The following GOLGA1 variants were observed in gnomAD, a reference collection of about 807,000 sequenced individuals.
The protein encoded by GOLGA1 is golgin subfamily A member 1.
In GOLGA1, 63 loss-of-function variants were observed where a neutral mutation model predicts 119.7. That is an observed-to-expected ratio of 0.53 (90% CI 0.43 to 0.65). The LOEUF (loss-of-function observed/expected upper bound fraction) is 0.65, where lower values mean the gene tolerates loss of function less well. Among genes scored for constraint, GOLGA1 ranks in the 30% least tolerant of loss-of-function variants. The probability of loss-of-function intolerance (pLI) is 0.00; values close to 1 mark genes in which losing one functional copy is unlikely to be tolerated. For missense variants in GOLGA1, 798 were observed against 912.8 expected (o/e 0.87, Z 1.62); for synonymous variants, 318 against 333.4 (o/e 0.95, Z 0.50).
At position 124,921,186 on chromosome 9, in the gene GOLGA1, T is replaced by C. The variant is rs1298924956; in HGVS notation, c.786A>G (p.Glu262=). The change falls in exon 10 of 23, where the codon GAA becomes GAG. Residue 262 remains glutamate, a synonymous_variant. Transcript: ENST00000373555. The part of the protein sequence containing the change: ...TGAESKITAL[E]QKEQELQALI... ...GTGCTTGGAGCTCTTGTTCCTTTTG[T>C]TCCAGGGCTGTGATCTTACTTTCTG... 6.2e-7 allele frequency: 1 copy of C among 1,613,586 alleles called. No individual in the cohort carries two copies. Among genetic ancestry groups the C allele is most frequent in the Non-Finnish European group, 8.5e-7 (1 of 1,179,462 alleles).
chr9:124,918,836 A>G (rs1830505087), intron 10 of GOLGA1, among the ~76,000 whole-genome samples: 1 of 152,062 alleles, frequency 6.6e-6, no homozygotes, highest in African/African-American at 2.4e-5. Flanking sequence ...GTACTCTCTG[A>G]CCTTCTGCCT....
At chr9:124,924,221 T>G (rs946110407) in intron 7 of GOLGA1, among the ~76,000 whole-genome samples, 1 of 152,062 alleles carries the variant, frequency 6.6e-6, no homozygotes, top group Non-Finnish European at 1.5e-5. Context: ...ACCAGTAAGA[T>G]TGAATGCCTG....
chr9:124,941,505 C>T (rs1444337889), upstream of GOLGA1, among the ~76,000 whole-genome samples: 1 of 152,222 alleles, frequency 6.6e-6, no homozygotes, highest in South Asian at 2.1e-4. Flanking sequence ...TAGGCAGCTG[C>T]CTTGCCACCG....
intron 10 of GOLGA1, among the ~76,000 whole-genome samples, chr9:124,919,966 A>T (rs1564339501): frequency 1.3e-5 from 2 of 150,560 alleles, no homozygotes; most frequent in East Asian, 3.9e-4. Flanking sequence ...TTATTTTATT[A>T]TTTTTTTAAG....
upstream of GOLGA1, chr9:124,945,686 A>G (rs1435511666): frequency 6.6e-6 from 1 of 152,234 alleles, no homozygotes; most frequent in Admixed American, 6.5e-5. Flanking sequence ...AATTAAAGGC[A>G]TATCACCCTA....
At chr9:124,929,168 A>G (rs773746034) in intron 5 of GOLGA1, 48 bp downstream of exon 5, 1 of 1,158,546 alleles carries the variant, frequency 8.6e-7, no homozygotes, top group East Asian at 2.4e-5. Flanking sequence ...TTTCATTTCA[A>G]AAACTAAACC....
intron 6 of GOLGA1, 90 bp from the exon 7 acceptor site, chr9:124,926,831 C>A (rs1189053431): frequency 4.8e-6 from 3 of 621,424 alleles, no homozygotes; most frequent in South Asian, 2.7e-5. Context: ...CAACTCTTCC[C>A]AGAAAGCAAC....
chr9:124,923,176 A>G lies in GOLGA1; in HGVS notation c.480T>C (p.Ser160=). The G allele has an allele frequency of 6.3e-7, 1 of 1,597,650 alleles. No individual in the cohort carries two copies. The highest frequency in any genetic ancestry group is 8.6e-7 in the Non-Finnish European group (1 of 1,166,314). Reference sequence around the variant, plus strand: ...CATCTCTCCTTTGGAAAAGATTCATACTCTGGTTCTTCATTTCCTGTAACT... The same window carrying G: ...CATCTCTCCTTTGGAAAAGATTCATGCTCTGGTTCTTCATTTCCTGTAACT... The part of the protein sequence containing the change: ...TAQLQEMKNQ[S]MNLFQRRDEM... Residue 160 remains serine, a synonymous_variant, in exon 8 of 23, where the codon AGT becomes AGC. Coordinates refer to ENST00000373555, the MANE Select transcript of GOLGA1 (RefSeq NM_002077.4).
chr9:124,907,943 A>C (rs1035000553), intron 12 of GOLGA1, among the ~76,000 whole-genome samples: 1 of 152,230 alleles, frequency 6.6e-6, no homozygotes, highest in Non-Finnish European at 1.5e-5. Flanking sequence ...AGGTGGCAGG[A>C]AGAAGGAAGC....
chr9:124,945,146 A>C (rs1186770277), upstream of GOLGA1: 2 of 151,898 alleles, frequency 1.3e-5, no homozygotes, highest in African/African-American at 4.8e-5. Flanking sequence ...TTAGGCTTGA[A>C]TAAGTGAGTT....
chr9:124,910,902 C>A (rs1400294606), intron 11 of GOLGA1, among the ~76,000 whole-genome samples: 1 of 152,176 alleles, frequency 6.6e-6, no homozygotes, highest in Non-Finnish European at 1.5e-5. Flanking sequence ...CCCAACCTGA[C>A]CCCATCTGTG....
intron 15 of GOLGA1, among the ~76,000 whole-genome samples, chr9:124,897,128 A>T (rs1164710320): frequency 6.6e-6 from 1 of 152,024 alleles, no homozygotes; most frequent in Non-Finnish European, 1.5e-5. Flanking sequence ...TTTCTCCTCA[A>T]ATATTCACAT....
At chr9:124,922,118 C>T (rs1019823448) in intron 8 of GOLGA1, among the ~76,000 whole-genome samples, 6 of 151,758 alleles carry the variant, frequency 4.0e-5, no homozygotes, top group Admixed American at 6.6e-5. Flanking sequence ...ATCCCAGCTA[C>T]TCGGGAGGCT....
intron 15 of GOLGA1, among the ~76,000 whole-genome samples, chr9:124,893,084 C>T (rs995352609): frequency 2.0e-4 from 31 of 152,126 alleles, no homozygotes; most frequent in African/African-American, 7.2e-4. Flanking sequence ...ACTGCAGCCT[C>T]GACCTTCTAG....
chr9:124,888,782 C>T lies in GOLGA1; in HGVS notation c.1761+361G>A, dbSNP rs1356263664. 6.6e-6 allele frequency among the ~76,000 whole-genome samples: 1 copy of T among 152,216 alleles called. No homozygotes were observed. Among genetic ancestry groups the T allele is most frequent in the Non-Finnish European group, 1.5e-5 (1 of 68,040 alleles). ...GTGGCGCAATCTCGGCTCCACCAAG[C>T]TCCGCCTCCCGGGTTCACATCATTC... On this transcript the variant is annotated intron_variant, in intron 18 of 22. Transcript: ENST00000373555. This position sits in a 1 kb window ranked among gnomAD's most constrained non-coding sequence, Gnocchi z 4.4.
chr9:124,924,205 T>C (rs1830626240), intron 7 of GOLGA1, among the ~76,000 whole-genome samples: 1 of 151,982 alleles, frequency 6.6e-6, no homozygotes, highest in African/African-American at 2.4e-5. Flanking sequence ...CTGAAAAACA[T>C]GAGTAACCAG....
In GOLGA1 at chr9:124,880,456, C is replaced by T; in HGVS notation, c.*74G>A. 1.2e-6 allele frequency: 1 copy of T among 839,208 alleles called. No homozygotes were observed. Among genetic ancestry groups the T allele is most frequent in the East Asian group, 2.5e-5 (1 of 39,950 alleles). 52.0% of individuals were successfully genotyped at this position (839,208 alleles called of 1,614,324 possible). On this transcript the variant is annotated 3_prime_UTR_variant, in exon 23 of 23. Transcript: ENST00000373555. ...GCAGTTACAGTGATTAAAAACCCACCCAGACTGGTGTGTCAGTGTTCTTTT... is the reference window on the plus strand; with the variant it reads ...GCAGTTACAGTGATTAAAAACCCACTCAGACTGGTGTGTCAGTGTTCTTTT...
intron 15 of GOLGA1, among the ~76,000 whole-genome samples, chr9:124,894,000 A>T (rs1383898126): frequency 6.6e-6 from 1 of 152,182 alleles, no homozygotes; most frequent in Non-Finnish European, 1.5e-5. Flanking sequence ...TGCTCTCGTC[A>T]ACCATATTCC....
intron 12 of GOLGA1, among the ~76,000 whole-genome samples, chr9:124,903,012 G>A (rs1015919621): frequency 6.6e-6 from 1 of 152,148 alleles, no homozygotes; most frequent in African/African-American, 2.4e-5. Flanking sequence ...CCAAGTTCAA[G>A]ATAGATTCAG....
Sources: gnomAD v4.1 joint callset for allele counts (sites outside exome capture counted in the v4.1 genomes callset) on GRCh38, gnomAD v4.1.1 for gene constraint, Gnocchi (gnomAD v3.1) non-coding constraint, MANE v1.5 for transcripts, NCBI Gene and HGNC (gene_info 2026-07-23, HGNC 2026-07-21) for gene names.